The following CDK5RAP1 variants were observed in gnomAD, a reference collection of about 807,000 sequenced individuals.
CDK5RAP1 encodes the protein mitochondrial tRNA methylthiotransferase CDK5RAP1.
CDK5RAP1 carries 62 observed loss-of-function variants against 64.5 expected under a neutral mutation model. The observed-to-expected ratio is 0.96, with a 90% CI of 0.78 to 1.19. The LOEUF (loss-of-function observed/expected upper bound fraction) is 1.19, where lower values mean the gene tolerates loss of function less well. Among genes scored for constraint, CDK5RAP1 ranks in the 50% most tolerant of loss-of-function variants. CDK5RAP1 has a pLI of 0.00. For missense variants in CDK5RAP1, 657 were observed against 735.0 expected (o/e 0.89, Z 1.23); for synonymous variants, 250 against 261.9 (o/e 0.95, Z 0.44).
chr20:33,391,568 T>A (rs938012123), intron 5 of CDK5RAP1, among the ~76,000 whole-genome samples: 9 of 151,434 alleles, frequency 5.9e-5, no homozygotes, highest in African/African-American at 2.0e-4. Flanking sequence ...ATGCCTATAA[T>A]CCCAACACTT....
chr20:33,394,182 CAG>C, intron 3 of CDK5RAP1, 116 bp from the exon 4 acceptor site: 1 of 657,182 alleles, frequency 1.5e-6, no homozygotes. Flanking sequence ...TTTTTTGAGA[CAG>C]AGTCTCACTC....
chr20:33,382,606 A>G (rs1462905764), intron 7 of CDK5RAP1, among the ~76,000 whole-genome samples: 5 of 152,136 alleles, frequency 3.3e-5, no homozygotes, highest in Non-Finnish European at 5.9e-5. Context: ...ACATGAACCC[A>G]GGAGGTGGAG....
At chr20:33,379,918 C>A (rs1986529554) in intron 7 of CDK5RAP1, among the ~76,000 whole-genome samples, 1 of 152,112 alleles carries the variant, frequency 6.6e-6, no homozygotes, top group African/African-American at 2.4e-5. Context: ...AAAAATTAAT[C>A]TTCAAAACAT....
In CDK5RAP1 at chr20:33,392,248, G is replaced by C. The variant is rs566045665; in HGVS notation, c.444-6C>G. 6.3e-7 allele frequency: 1 copy of C among 1,582,090 alleles called. No individual in the cohort carries two copies. The highest frequency in any genetic ancestry group is 8.7e-7 in the Non-Finnish European group (1 of 1,154,146). Reference sequence around the variant, plus strand: ...TGGTCTGCTCAGCCTTCTCCCTAGAGAGATCAAAGGAGGCAAGACTGAACC... The same window carrying C: ...TGGTCTGCTCAGCCTTCTCCCTAGACAGATCAAAGGAGGCAAGACTGAACC... On this transcript the variant is annotated splice_region_variant and splice_polypyrimidine_tract_variant and intron_variant, in intron 4 of 13. Transcript: ENST00000346416.
chr20:33,364,989 A>C (rs1260082036), intron 12 of CDK5RAP1, among the ~76,000 whole-genome samples: 1 of 152,020 alleles, frequency 6.6e-6, no homozygotes, highest in Admixed American at 6.6e-5. Flanking sequence ...CCTGGATTCA[A>C]GCAATCTTCT....
chr20:33,388,824 G>T (rs1029528750), intron 5 of CDK5RAP1, among the ~76,000 whole-genome samples: 2 of 152,088 alleles, frequency 1.3e-5, no homozygotes, highest in African/African-American at 4.8e-5. Flanking sequence ...ACTGGGTTTC[G>T]CTGTGTTGGC....
chr20:33,385,610 C>G (rs778534033), intron 7 of CDK5RAP1, 40 bp downstream of exon 7: 9 of 1,610,314 alleles, frequency 5.6e-6, no homozygotes, highest in Admixed American at 1.7e-5. Context: ...CATCCTCCCC[C>G]AAACATGTTC....
At chr20:33,378,163 G>C (rs191021923) in intron 8 of CDK5RAP1, among the ~76,000 whole-genome samples, 3 of 152,280 alleles carry the variant, frequency 2.0e-5, no homozygotes, top group East Asian at 3.9e-4. Flanking sequence ...TTTCAAGTGA[G>C]AGCCCTGCGA....
intron 8 of CDK5RAP1, among the ~76,000 whole-genome samples, chr20:33,375,318 C>T (rs1394671505): frequency 6.6e-6 from 1 of 150,438 alleles, no homozygotes; most frequent in Non-Finnish European, 1.5e-5. Flanking sequence ...AGGAGAATCA[C>T]TTGAACCCGG....
At chr20:33,388,760 G>A (rs185507075) in intron 5 of CDK5RAP1, among the ~76,000 whole-genome samples, 2,326 of 152,088 alleles carry the variant, frequency 0.015, 56 homozygotes, top group African/African-American at 0.054. Context: ...GAGTGCCTGC[G>A]ATTGCAGGCG....
intron 6 of CDK5RAP1, 31 bp from the exon 7 acceptor site, chr20:33,385,801 A>G: frequency 6.3e-7 from 1 of 1,597,698 alleles, no homozygotes; most frequent in Non-Finnish European, 8.5e-7. Context: ...ACTTAGTAAC[A>G]GTAGCAGGGT....
At chr20:33,394,092 GA>G in intron 3 of CDK5RAP1, 26 bp from the exon 4 acceptor site, 1 of 1,516,772 alleles carries the variant, frequency 6.6e-7, no homozygotes, top group Non-Finnish European at 9.2e-7. Flanking sequence ...GGAAAACAAG[GA>G]AAATTACATA....
chr20:33,396,875 T>G lies in CDK5RAP1; in HGVS notation c.190A>C (p.Thr64Pro), dbSNP rs748451923. The change falls in exon 2 of 14, where the codon ACT (threonine) becomes CCT (proline). Residue 64 changes from threonine (T) to proline (P), a missense_variant. By Grantham distance (38) the Thr-to-Pro change is conservative. Coordinates refer to ENST00000346416, the MANE Select transcript of CDK5RAP1 (RefSeq NM_016408.4). The part of the protein sequence containing the change: ...DFSSRLAAGP[T>P]FQHFLKSASA... ...GCACTTTTTAAAAAATGTTGAAAAG[T>G]CGGTCCAGCAGCCAGCCTGGAGCTG... 6.8e-6 allele frequency: 11 copies of G among 1,614,052 alleles called. No individual in the cohort carries two copies. The highest frequency in any genetic ancestry group is 9.3e-6 in the Non-Finnish European group (11 of 1,180,022).
chr20:33,386,521 A>T (rs1229442149), intron 6 of CDK5RAP1, among the ~76,000 whole-genome samples: 1 of 152,190 alleles, frequency 6.6e-6, no homozygotes, highest in African/African-American at 2.4e-5. Context: ...GAGACCCTGG[A>T]TTTAAAACAC....
intron 8 of CDK5RAP1, among the ~76,000 whole-genome samples, chr20:33,375,165 G>A (rs1407307933): frequency 6.6e-6 from 1 of 151,914 alleles, no homozygotes; most frequent in Non-Finnish European, 1.5e-5. Flanking sequence ...ACTTTGGGAG[G>A]CTGAGGTGGG....
Position 33,396,976 on chromosome 20 carries a change from C to A in CDK5RAP1, c.89G>T (p.Cys30Phe). 6.2e-7 allele frequency: 1 copy of A among 1,614,190 alleles called. No individual in the cohort carries two copies. Among genetic ancestry groups the A allele is most frequent in the East Asian group, 2.2e-5 (1 of 44,882 alleles). The change falls in exon 2 of 14, where the codon TGC becomes TTC. Residue 30 changes from cysteine to phenylalanine, a missense_variant. Transcript: ENST00000346416. ...ASVSWLSLRM[C>F]RAHSSLSSTM... Reference sequence around the variant, plus strand: ...ACTAGAGAGACTGCTGTGTGCCCTGCACATCCTCAGCGACAGCCAAGACAC... The same window carrying A: ...ACTAGAGAGACTGCTGTGTGCCCTGAACATCCTCAGCGACAGCCAAGACAC...
At chr20:33,397,387 C>T (rs1302225280) in intron 1 of CDK5RAP1, among the ~76,000 whole-genome samples, 1 of 152,138 alleles carries the variant, frequency 6.6e-6, no homozygotes, top group Non-Finnish European at 1.5e-5. Context: ...GACCAGTTCC[C>T]AAGGCTTTAA....
rs1600733619 is a variant in CDK5RAP1, at chr20:33,374,324, G to A, written c.1108-112C>T. 8.6e-6 allele frequency: 6 copies of A among 695,112 alleles called. No homozygotes were observed. In the East Asian group the frequency reaches 1.6e-4, roughly 19 times the overall value. 43.1% of individuals were successfully genotyped at this position (695,112 alleles called of 1,614,324 possible). A position where few individuals can be genotyped will look rare whatever the true frequency, so the allele number is the denominator to read the frequency against. On this transcript the variant is annotated intron_variant, in intron 8 of 13. Transcript: ENST00000346416. ...AAGGTCAATTTTCACATAATTAAGA[G>A]GCTAATTAAACCAGACACACAAAAT...
rs372447714 is a variant in CDK5RAP1, at chr20:33,394,131, T to G, written c.409-65A>C. The G allele has an allele frequency of 1.8e-4, 193 of 1,078,358 alleles. No individual in the cohort carries two copies. In the African/African-American group the frequency reaches 2.7e-3, roughly 15 times the overall value. 66.8% of individuals were successfully genotyped at this position (1,078,358 alleles called of 1,614,324 possible). A position where few individuals can be genotyped will look rare whatever the true frequency, so the allele number is the denominator to read the frequency against. On this transcript the variant is annotated intron_variant, in intron 3 of 13. Transcript: ENST00000346416. ...ATCTTGGATATTAGCCTTGTACAATTCCTGCCCTACAGCTCTTTATTATTT... is the reference window on the plus strand; with the variant it reads ...ATCTTGGATATTAGCCTTGTACAATGCCTGCCCTACAGCTCTTTATTATTT...
Sources: gnomAD v4.1 joint callset for allele counts (sites outside exome capture counted in the v4.1 genomes callset) on GRCh38, gnomAD v4.1.1 for gene constraint, MANE v1.5 for transcripts, NCBI Gene and HGNC (gene_info 2026-07-23, HGNC 2026-07-21) for gene names.